The following ETV6 variants were observed in gnomAD, a reference collection of about 807,000 sequenced individuals.
ETV6 encodes ETS variant transcription factor 6, also known as transcription factor ETV6.
Under a neutral mutation model 51.1 loss-of-function variants are expected in ETV6, and 16 were observed. The ratio of observed to expected loss-of-function variants is 0.31; its 90% CI spans 0.21 to 0.48. ETV6 has a LOEUF of 0.48. ETV6 is among the 20% of genes least tolerant of loss of function. The probability of loss-of-function intolerance (pLI) is 0.99; values close to 1 mark genes in which losing one functional copy is unlikely to be tolerated. For missense variants in ETV6, 458 were observed against 594.8 expected (o/e 0.77, Z 2.39); for synonymous variants, 240 against 224.1 (o/e 1.07, Z -0.64).
chr12:11,798,848 C>T (rs1334835622), intron 2 of ETV6, among the ~76,000 whole-genome samples: 4 of 152,098 alleles, frequency 2.6e-5, no homozygotes, highest in Admixed American at 2.0e-4. Flanking sequence ...ATTTGTTTTC[C>T]TTGGAGATAG....
At chr12:11,753,939 T>C (rs923408176) in intron 2 of ETV6, among the ~76,000 whole-genome samples, 4 of 152,180 alleles carry the variant, frequency 2.6e-5, no homozygotes, top group African/African-American at 7.2e-5. Flanking sequence ...TCCTCTACTT[T>C]TAAGGAGGTT....
chr12:11,802,876 G>C (rs188594159), intron 2 of ETV6, among the ~76,000 whole-genome samples: 16 of 152,270 alleles, frequency 1.1e-4, no homozygotes, highest in Admixed American at 1.0e-3. Context: ...TAATTAGCCT[G>C]AATTTTCTCT....
At chr12:11,666,997 G>C (rs1376852337) in intron 1 of ETV6, among the ~76,000 whole-genome samples, 1 of 152,188 alleles carries the variant, frequency 6.6e-6, no homozygotes, top group Non-Finnish European at 1.5e-5. Flanking sequence ...GTTGTTACGG[G>C]TGCTGATCTG....
intron 4 of ETV6, among the ~76,000 whole-genome samples, chr12:11,867,969 G>A (rs927593063): frequency 7.9e-5 from 12 of 152,170 alleles, no homozygotes; most frequent in African/African-American, 2.9e-4. Context: ...AGCCCTCAGA[G>A]CTACTTCTCT....
intron 1 of ETV6, among the ~76,000 whole-genome samples, chr12:11,732,551 C>G (rs1463108471): frequency 1.3e-5 from 2 of 152,220 alleles, no homozygotes; most frequent in Non-Finnish European, 2.9e-5. Flanking sequence ...TTTTCACCGA[C>G]TTGGGGAGTT....
chr12:11,783,489 C>T (rs913117825), intron 2 of ETV6, among the ~76,000 whole-genome samples: 14 of 151,916 alleles, frequency 9.2e-5, no homozygotes, highest in Non-Finnish European at 2.1e-4. Flanking sequence ...GGATTGGAAT[C>T]GAGAGAAAAG....
At chr12:11,705,996 C>T in intron 1 of ETV6, among the ~76,000 whole-genome samples, 1 of 152,232 alleles carries the variant, frequency 6.6e-6, no homozygotes, top group East Asian at 1.9e-4. Flanking sequence ...GGGGGGGTCA[C>T]CCCCTGAACT....
At position 11,771,768 on chromosome 12, in the gene ETV6, C is replaced by T. The variant is rs564342454; in HGVS notation, c.163+19189C>T. On this transcript the variant is annotated intron_variant, in intron 2 of 7. Coordinates refer to ENST00000396373, the MANE Select transcript of ETV6 (RefSeq NM_001987.5). ...GGGTCCCTCTGAGTAAACCAAGACT[C>T]TTCTGAGAATGCAGTGTTCTCTCAG... 3.9e-5 allele frequency among the ~76,000 whole-genome samples: 6 copies of T among 152,344 alleles called. No homozygotes were observed. In the East Asian group the frequency reaches 9.6e-4, roughly 24 times the overall value.
intron 2 of ETV6, among the ~76,000 whole-genome samples, chr12:11,798,598 C>T (rs1945708660): frequency 6.6e-6 from 1 of 152,038 alleles, no homozygotes; most frequent in South Asian, 2.1e-4. Context: ...AAATAAGTTA[C>T]GTTAGGGCAC....
chr12:11,838,363 C>G (rs1946344636), intron 2 of ETV6, among the ~76,000 whole-genome samples: 2 of 152,210 alleles, frequency 1.3e-5, no homozygotes, highest in South Asian at 4.1e-4. Context: ...AAACTATAGA[C>G]TTACAGTCAG....
In ETV6 at chr12:11,724,902, G is replaced by A. The variant is rs151208560; in HGVS notation, c.34-27548G>A. On this transcript the variant is annotated intron_variant, in intron 1 of 7. Transcript: ENST00000396373. ...ACTGAATAAATCGCAACAGAGTTTC[G>A]GTTGTGGCTGCTCCAGTGTCTTGGA... 6.6e-5 allele frequency among the ~76,000 whole-genome samples: 10 copies of A among 152,224 alleles called. No individual in the cohort carries two copies. The East Asian group carries it at 1.9e-3, about 29-fold the overall frequency.
intron 1 of ETV6, among the ~76,000 whole-genome samples, chr12:11,672,767 C>T (rs1591599474): frequency 6.6e-6 from 1 of 152,188 alleles, no homozygotes; most frequent in Non-Finnish European, 1.5e-5. Flanking sequence ...TACCGAGTGG[C>T]CAAGTCTTAA....
At chr12:11,821,467 G>T (rs1463931446) in intron 2 of ETV6, among the ~76,000 whole-genome samples, 1 of 152,112 alleles carries the variant, frequency 6.6e-6, no homozygotes, top group Non-Finnish European at 1.5e-5. Flanking sequence ...GGAAAGATTG[G>T]GAACAGCAGA....
chr12:11,699,394 A>G (rs1486756964), intron 1 of ETV6, among the ~76,000 whole-genome samples: 1 of 152,222 alleles, frequency 6.6e-6, no homozygotes, highest in Non-Finnish European at 1.5e-5. Context: ...ATTATTCCAT[A>G]AAACACGAAT....
intron 2 of ETV6, among the ~76,000 whole-genome samples, chr12:11,828,467 A>C (rs1471975507): frequency 1.3e-5 from 2 of 152,200 alleles, no homozygotes; most frequent in Non-Finnish European, 2.9e-5. Context: ...TCTCCCTGAA[A>C]TATCAGGAGA....
intron 2 of ETV6, among the ~76,000 whole-genome samples, chr12:11,763,651 A>T (rs1015177704): frequency 6.6e-6 from 1 of 152,244 alleles, no homozygotes; most frequent in Non-Finnish European, 1.5e-5. Flanking sequence ...ATCGTCTTAT[A>T]GCTGTTATTC....
chr12:11,709,729 G>A (rs548422390), intron 1 of ETV6, among the ~76,000 whole-genome samples: 4 of 152,298 alleles, frequency 2.6e-5, no homozygotes, highest in Admixed American at 6.5e-5. Flanking sequence ...TCCGTAATGC[G>A]GGTAGGCCTC....
intron 2 of ETV6, among the ~76,000 whole-genome samples, chr12:11,800,746 C>T (rs1020528237): frequency 6.6e-6 from 1 of 150,450 alleles, no homozygotes; most frequent in African/African-American, 2.5e-5. Flanking sequence ...GTTACCCCCC[C>T]AGAAAGGGGG....
At chr12:11,725,632 T>C (rs1482950319) in intron 1 of ETV6, among the ~76,000 whole-genome samples, 1 of 152,184 alleles carries the variant, frequency 6.6e-6, no homozygotes, top group Non-Finnish European at 1.5e-5. Flanking sequence ...ATCTCCAGTG[T>C]TGGAGGTGGG....
Sources: allele counts gnomAD v4.1 joint callset (sites outside exome capture counted in the v4.1 genomes callset), GRCh38; gene constraint gnomAD v4.1.1; transcripts MANE v1.5; gene names NCBI Gene and HGNC (gene_info 2026-07-23, HGNC 2026-07-21).